The following NAV1 variants were observed in gnomAD, a reference collection of about 807,000 sequenced individuals.
The protein encoded by NAV1 is pore membrane and/or filament interacting like protein 3.
A neutral mutation model predicts 175.2 loss-of-function variants in NAV1; 18 were observed. That is an observed-to-expected ratio of 0.10 (90% CI 0.07 to 0.15). NAV1 has a LOEUF of 0.15. NAV1 is among the 10% of genes least tolerant of loss of function. The probability of loss-of-function intolerance (pLI) is 1.00; values close to 1 mark genes in which losing one functional copy is unlikely to be tolerated. For missense variants in NAV1, 1,731 were observed against 2,436.6 expected (o/e 0.71, Z 6.10); for synonymous variants, 897 against 978.7 (o/e 0.92, Z 1.56).
chr1:201,765,473 C>T (rs1037336137), intron 3 of NAV1, among the ~76,000 whole-genome samples: 3 of 146,066 alleles, frequency 2.1e-5, no homozygotes, highest in Non-Finnish European at 4.5e-5. Context: ...CAGCTTACTG[C>T]AACCTCTGCC....
At chr1:201,743,319 C>A (rs114431880) in intron 3 of NAV1, among the ~76,000 whole-genome samples, 1 of 152,156 alleles carries the variant, frequency 6.6e-6, no homozygotes, top group Non-Finnish European at 1.5e-5. Flanking sequence ...AGTTGGCCTG[C>A]GACTTTAGTT....
chr1:201,559,899 C>G (rs963081971), intron 1 of NAV1, among the ~76,000 whole-genome samples: 10 of 152,162 alleles, frequency 6.6e-5, no homozygotes, highest in African/African-American at 2.2e-4. Flanking sequence ...GCAGGCAGCT[C>G]GCAGCTCTGC....
At chr1:201,648,542 C>T (rs1036501328) in exon 1 of NAV1, 4 of 1,247,186 alleles carry the variant, frequency 3.2e-6, no homozygotes, top group Non-Finnish European at 4.0e-6. Flanking sequence ...CCCCTTCTTC[C>T]TCGGTTTCTT....
At position 201,802,136 on chromosome 1, in the gene NAV1, C is replaced by CAA. The variant is rs771631007; in HGVS notation, c.3518-1439_3518-1438dup. ...TGGGCGACAGAGCGAGACTCCGTCT[C>CAA]AAAAAAAAAAAAAAAAAAATTAGCC... On this transcript the variant is annotated intron_variant, in intron 15 of 29. Coordinates refer to ENST00000367296, the Ensembl canonical transcript of NAV1. Among the ~76,000 whole-genome samples the CAA allele has an allele frequency of 1.3e-3, 26 of 20,316 alleles. 2 individuals are homozygous for CAA. Among genetic ancestry groups the CAA allele is most frequent in the South Asian group, 3.1e-3 (1 of 320 alleles). The allele number at this position is 20,316 out of a possible 152,430, so 13.3% of individuals were successfully genotyped here.
At chr1:201,590,540 C>T (rs1233278710) in intron 2 of NAV1, among the ~76,000 whole-genome samples, 1 of 152,164 alleles carries the variant, frequency 6.6e-6, no homozygotes, top group African/African-American at 2.4e-5. Context: ...TCCATCAATC[C>T]TCTGCTTCCT....
intron 2 of NAV1, among the ~76,000 whole-genome samples, chr1:201,635,883 G>A (rs1444475746): frequency 6.6e-6 from 1 of 152,250 alleles, no homozygotes; most frequent in Non-Finnish European, 1.5e-5. Context: ...CTGAAGGAGA[G>A]GTGGCCTGGT....
chr1:201,745,204 A>T (rs555430868), intron 3 of NAV1, among the ~76,000 whole-genome samples: 2 of 152,326 alleles, frequency 1.3e-5, no homozygotes, highest in East Asian at 3.9e-4. Context: ...GCTCTGACTC[A>T]TGATTGGGTA....
At chr1:201,819,974 G>A (rs1183825983) in exon 30 of NAV1, 1 of 1,578,818 alleles carries the variant, frequency 6.3e-7, no homozygotes, top group Non-Finnish European at 8.7e-7. Flanking sequence ...CAGAACGCTG[G>A]CATCAGCTAT....
exon 30 of NAV1, chr1:201,823,484 G>A (rs1457996787): frequency 6.6e-6 from 1 of 152,244 alleles, no homozygotes; most frequent in Non-Finnish European, 1.5e-5. Flanking sequence ...ATGCTTTGTG[G>A]CAGCTCTACG....
At chr1:201,568,600 G>C (rs1268985652) in intron 1 of NAV1, among the ~76,000 whole-genome samples, 4 of 152,120 alleles carry the variant, frequency 2.6e-5, no homozygotes, top group African/African-American at 9.7e-5. Context: ...TGGCAATTAG[G>C]CGTGTTGTTT....
intron 1 of NAV1, among the ~76,000 whole-genome samples, chr1:201,710,608 G>A (rs1043783099): frequency 1.3e-5 from 2 of 152,176 alleles, no homozygotes; most frequent in African/African-American, 4.8e-5. Context: ...CTATACAACA[G>A]TCACCATGCT....
chr1:201,744,425 T>C (rs1260137355), intron 3 of NAV1, among the ~76,000 whole-genome samples: 1 of 152,000 alleles, frequency 6.6e-6, no homozygotes, highest in East Asian at 1.9e-4. Flanking sequence ...GATAGAATAG[T>C]GAGCAGTAAG....
chr1:201,793,659 AACC>A (rs1677249795), intron 13 of NAV1, 130 bp from the exon 18 acceptor site: 1 of 706,100 alleles, frequency 1.4e-6, no homozygotes, highest in African/African-American at 1.8e-5. Flanking sequence ...ATATTTTTTT[AACC>A]ACCAAGAGGT....
chr1:201,765,816 A>T (rs1675179996), intron 3 of NAV1, among the ~76,000 whole-genome samples: 1 of 152,190 alleles, frequency 6.6e-6, no homozygotes, highest in South Asian at 2.1e-4. Flanking sequence ...CAAAATTGTG[A>T]TGACTATTTT....
exon 1 of NAV1, chr1:201,648,292 A>G: frequency 9.1e-7 from 1 of 1,098,040 alleles, no homozygotes; most frequent in Non-Finnish European, 1.1e-6. Context: ...GGATCCGGAC[A>G]CCAAAGCAAA....
upstream of NAV1, among the ~76,000 whole-genome samples, chr1:201,645,842 G>A (rs982997091): frequency 3.3e-5 from 5 of 152,178 alleles, no homozygotes; most frequent in African/African-American, 7.2e-5. Flanking sequence ...AGGTGTTGTC[G>A]GATTCTCAAA....
chr1:201,737,463 C>T (rs982966346), intron 3 of NAV1: 3 of 152,190 alleles, frequency 2.0e-5, no homozygotes, highest in Non-Finnish European at 4.4e-5. Context: ...AGCTGAGAGC[C>T]TCTCCCCTGA....
intron 3 of NAV1, among the ~76,000 whole-genome samples, chr1:201,728,190 G>T (rs72742008): frequency 1.8e-4 from 27 of 151,872 alleles, no homozygotes; most frequent in African/African-American, 5.1e-4. Flanking sequence ...GGTGTAATCA[G>T]GGCTCGTGGC....
chr1:201,818,302 G>T (rs531220848), intron 29 of NAV1, among the ~76,000 whole-genome samples: 3 of 152,212 alleles, frequency 2.0e-5, no homozygotes, highest in Admixed American at 2.0e-4. Context: ...GCCAAGGCGG[G>T]CGGATCATGA....
Sources: allele counts gnomAD v4.1 joint callset (sites outside exome capture counted in the v4.1 genomes callset), GRCh38; gene constraint gnomAD v4.1.1; transcripts MANE v1.5; gene names NCBI Gene and HGNC (gene_info 2026-07-23, HGNC 2026-07-21).